DHCR24: variants seen among roughly 807,000 people sequenced by gnomAD.
The protein encoded by DHCR24 is delta(24)-sterol reductase.
In DHCR24, 28 loss-of-function variants were observed where a neutral mutation model predicts 61.2. That is an observed-to-expected ratio of 0.46 (90% CI 0.34 to 0.63). The LOEUF (loss-of-function observed/expected upper bound fraction) is 0.63. Among genes scored for constraint, DHCR24 ranks in the 20% least tolerant of loss-of-function variants. The pLI, the probability that DHCR24 is intolerant of heterozygous loss-of-function variation, is 0.01. For missense variants in DHCR24, 538 were observed against 679.1 expected, an observed-to-expected ratio of 0.79 and a Z score of 2.31; for synonymous variants, 261 against 275.9, an observed-to-expected ratio of 0.95 and a Z score of 0.54.
At chr1:54,852,509 C>A in intron 8 of DHCR24, 123 bp from the exon 9 acceptor site, 1 of 1,079,050 alleles carries the variant, frequency 9.3e-7, no homozygotes. Flanking sequence ...TTGTTTAACC[C>A]CGTTAACCTG....
rs564203405 is a variant in DHCR24, at chr1:54,869,636, TCACA to T, written c.876+1710_876+1713del. Among the ~76,000 whole-genome samples, 79 of 152,154 alleles carry T rather than the reference TCACA, an allele frequency of 5.2e-4. 1 individual carries two copies. The South Asian group carries it at 0.016, about 30-fold the overall frequency. ...ATAGGTCTCGGCTGGGTGTGGTGGCTCACACCTGTAATCCCAGTACTTTGGGAGG... is the reference window on the plus strand; with the variant it reads ...ATAGGTCTCGGCTGGGTGTGGTGGCTCCTGTAATCCCAGTACTTTGGGAGG... On this transcript the variant is annotated intron_variant, in intron 5 of 8. Transcript: ENST00000371269.
In DHCR24 at chr1:54,853,189, G is replaced by T. The variant is rs12409889; in HGVS notation, c.1397+245C>A. 0.013 allele frequency among the ~76,000 whole-genome samples: 1,930 copies of T among 152,016 alleles called. 57 individuals are homozygous for T. The highest frequency in any genetic ancestry group is 0.071 in the Admixed American group (1,080 of 15,260). On this transcript the variant is annotated intron_variant, in intron 8 of 8. Transcript: ENST00000371269. ...GGTTTCTGGCTGGGGCTGCTGGGGG[G>T]GTGTGACATGTTCACTGGAGGAGGG... is the stretch of plus-strand genomic sequence containing the variant.
At chr1:54,860,521 T>C (rs1021913277) in intron 6 of DHCR24, among the ~76,000 whole-genome samples, 6 of 152,120 alleles carry the variant, frequency 3.9e-5, no homozygotes, top group Non-Finnish European at 5.9e-5. Flanking sequence ...CAGATCTCTG[T>C]TCCTCCCCCA....
chr1:54,852,695 G>C (rs1646883329), intron 8 of DHCR24, among the ~76,000 whole-genome samples: 1 of 152,116 alleles, frequency 6.6e-6, no homozygotes, highest in Non-Finnish European at 1.5e-5. Context: ...CAGTGGGGTT[G>C]TTTTCCTTTA....
At chr1:54,858,521 T>G (rs1557431152) in intron 6 of DHCR24, among the ~76,000 whole-genome samples, 1 of 152,270 alleles carries the variant, frequency 6.6e-6, no homozygotes, top group Non-Finnish European at 1.5e-5. Flanking sequence ...CACCTATTCT[T>G]CCAGATTCTT....
chr1:54,867,913 G>C (rs1210821351), intron 5 of DHCR24, among the ~76,000 whole-genome samples: 14 of 152,176 alleles, frequency 9.2e-5, no homozygotes. Context: ...TTTGCATAGT[G>C]CTAAAGTCTG....
At chr1:54,877,819 C>T (rs547293573) in intron 2 of DHCR24, among the ~76,000 whole-genome samples, 94 of 150,892 alleles carry the variant, frequency 6.2e-4, no homozygotes, top group Non-Finnish European at 1.2e-3. Context: ...AAGACCAGCC[C>T]GACAACATGG....
intron 5 of DHCR24, among the ~76,000 whole-genome samples, chr1:54,866,177 G>A (rs1452475853): frequency 1.3e-5 from 2 of 152,088 alleles, no homozygotes; most frequent in Non-Finnish European, 2.9e-5. Flanking sequence ...GAGGCAGGGG[G>A]GATCCTGGAA....
At chr1:54,869,604 CAG>C (rs1425314143) in intron 5 of DHCR24, among the ~76,000 whole-genome samples, 3 of 151,676 alleles carry the variant, frequency 2.0e-5, no homozygotes, top group Non-Finnish European at 2.9e-5. Context: ...CACACACACA[CAG>C]AGAAATAGGT....
At chr1:54,873,044 G>C (rs1485546747) in intron 4 of DHCR24, among the ~76,000 whole-genome samples, 2 of 152,196 alleles carry the variant, frequency 1.3e-5, no homozygotes, top group African/African-American at 4.8e-5. Context: ...CACCCCTTAG[G>C]TAAAACGCTT....
At chr1:54,860,524 C>T (rs1646930006) in intron 6 of DHCR24, among the ~76,000 whole-genome samples, 2 of 152,120 alleles carry the variant, frequency 1.3e-5, no homozygotes, top group South Asian at 4.1e-4. Context: ...ATCTCTGTTC[C>T]TCCCCCATGC....
In DHCR24 at chr1:54,878,514, C is replaced by CAAAAAAAAAAAA. The variant is rs56198608; in HGVS notation, c.388-2479_388-2468dup. On this transcript the variant is annotated intron_variant, in intron 2 of 8. Transcript: ENST00000371269. ...GGGCAACAAGAGTGAAACTCTGTCT[C>CAAAAAAAAAAAA]AAAAAAAAAAAAAAAAAAAAAAAAA... 6.5e-3 allele frequency among the ~76,000 whole-genome samples: 352 copies of CAAAAAAAAAAAA among 54,320 alleles called. 6 individuals are homozygous for CAAAAAAAAAAAA. Among genetic ancestry groups the CAAAAAAAAAAAA allele is most frequent in the Admixed American group, 0.013 (41 of 3,262 alleles). 35.6% of individuals were successfully genotyped at this position (54,320 alleles called of 152,430 possible). A position where few individuals can be genotyped will look rare whatever the true frequency, so the allele number is the denominator to read the frequency against.
At chr1:54,879,718 G>A (rs1247199424) in intron 2 of DHCR24, among the ~76,000 whole-genome samples, 1 of 152,114 alleles carries the variant, frequency 6.6e-6, no homozygotes, top group Non-Finnish European at 1.5e-5. Context: ...TAATAAAATT[G>A]CTCAAAACTA....
intron 1 of DHCR24, among the ~76,000 whole-genome samples, chr1:54,884,577 T>C (rs1445382596): frequency 6.6e-6 from 1 of 152,196 alleles, no homozygotes; most frequent in East Asian, 1.9e-4. Context: ...TCTGCTGAGA[T>C]AGACAAGTGC....
chr1:54,881,009 G>C (rs1029358572), intron 2 of DHCR24, among the ~76,000 whole-genome samples: 5 of 152,116 alleles, frequency 3.3e-5, no homozygotes. Context: ...AATTAGCTGG[G>C]TGTGGTGGCA....
intron 5 of DHCR24, among the ~76,000 whole-genome samples, chr1:54,866,550 C>T (rs958515290): frequency 2.0e-5 from 3 of 152,162 alleles, no homozygotes; most frequent in African/African-American, 7.2e-5. Context: ...AGAGCCTAGG[C>T]AGGTTACTTA....
chr1:54,861,801 C>G (rs1646939921), intron 6 of DHCR24, among the ~76,000 whole-genome samples: 2 of 152,328 alleles, frequency 1.3e-5, no homozygotes, highest in Admixed American at 1.3e-4. Flanking sequence ...GGCAATGCCA[C>G]AGTGTTTCCC....
chr1:54,875,095 G>A lies in DHCR24; in HGVS notation c.610C>T (p.Pro204Ser), dbSNP rs1274622437. Residue 204 changes from proline to serine, a missense_variant and splice_region_variant, in exon 4 of 9, where the codon CCG (proline) becomes TCG (serine). Pro to Ser is a moderately conservative substitution (Grantham distance 74). Transcript: ENST00000371269. ...ACATCTCCCATTGCTGAACTCACCG[G>A]AGTGCATCGCACAAAGCTGCCATCA... ...LADGSFVRCT[P>S]SENSDLFYAV... The A allele has an allele frequency of 2.5e-6, 4 of 1,613,514 alleles. No homozygotes were observed. Among genetic ancestry groups the A allele is most frequent in the Non-Finnish European group, 3.4e-6 (4 of 1,179,590 alleles).
At chr1:54,886,759 G>A in intron 1 of DHCR24, 130 bp downstream of exon 1, 3 of 1,232,322 alleles carry the variant, frequency 2.4e-6, no homozygotes, top group Non-Finnish European at 2.1e-6. Flanking sequence ...CCTCTCCAAC[G>A]CCAGCTCCCC....
Sources: allele counts gnomAD v4.1 joint callset (sites outside exome capture counted in the v4.1 genomes callset), GRCh38; gene constraint gnomAD v4.1.1; transcripts MANE v1.5; gene names NCBI Gene and HGNC (gene_info 2026-07-23, HGNC 2026-07-21).